Variants in BTBD16 observed in about 807,000 individuals in gnomAD.
BTBD16 encodes BTB domain containing 16, also known as BTB/POZ domain-containing protein 16.
A neutral mutation model predicts 67.4 loss-of-function variants in BTBD16; 66 were observed. That is an observed-to-expected ratio of 0.98 (90% confidence interval 0.80 to 1.20). The LOEUF (loss-of-function observed/expected upper bound fraction) is 1.20, where lower values mean the gene tolerates loss of function less well. Among genes scored for constraint, BTBD16 ranks in the 50% most tolerant of loss-of-function variants. The pLI is 0.00. For missense variants in BTBD16, 634 were observed against 616.0 expected (o/e 1.03, Z -0.31); for synonymous variants, 242 against 236.4 (o/e 1.02, Z -0.22).
At chr10:122,291,286 T>G in intron 7 of BTBD16, 92 bp downstream of exon 7, 1 of 1,493,484 alleles carries the variant, frequency 6.7e-7, no homozygotes, top group South Asian at 1.3e-5. Flanking sequence ...TTCCTCTTCA[T>G]TGGGCTAAGA....
intron 8 of BTBD16, among the ~76,000 whole-genome samples, chr10:122,298,791 G>A (rs1213106091): frequency 3.3e-5 from 5 of 152,174 alleles, no homozygotes; most frequent in East Asian, 1.9e-4. Context: ...ATAGGTTTTC[G>A]CTGAGGATTG....
At chr10:122,302,087 C>T (rs965667924) in intron 9 of BTBD16, among the ~76,000 whole-genome samples, 3 of 152,166 alleles carry the variant, frequency 2.0e-5, no homozygotes, top group Non-Finnish European at 2.9e-5. Context: ...GGGCCAATTC[C>T]CTGTTTGTGG....
chr10:122,316,610 A>G (rs2096424992), intron 10 of BTBD16, among the ~76,000 whole-genome samples: 1 of 152,202 alleles, frequency 6.6e-6, no homozygotes, highest in Non-Finnish European at 1.5e-5. Context: ...CAGTTGTAAC[A>G]CAATGGTAAG....
At chr10:122,325,707 G>A (rs1215620557) in intron 10 of BTBD16, among the ~76,000 whole-genome samples, 3 of 151,076 alleles carry the variant, frequency 2.0e-5, no homozygotes, top group African/African-American at 7.3e-5. Context: ...ATGGAGTCTC[G>A]CTGTGTTGCC....
At chr10:122,295,645 G>A (rs180788631) in intron 7 of BTBD16, among the ~76,000 whole-genome samples, 29 of 152,238 alleles carry the variant, frequency 1.9e-4, no homozygotes, top group Admixed American at 1.2e-3. Flanking sequence ...AAGTGGGAGC[G>A]GGAGGAGGGG....
intron 10 of BTBD16, among the ~76,000 whole-genome samples, chr10:122,312,710 A>G (rs925583284): frequency 2.6e-5 from 4 of 152,226 alleles, no homozygotes; most frequent in East Asian, 1.9e-4. Context: ...ATTTCTTTAT[A>G]TATTTGTTAG....
intron 10 of BTBD16, among the ~76,000 whole-genome samples, chr10:122,312,884 T>A (rs1432242416): frequency 6.6e-6 from 1 of 152,050 alleles, no homozygotes. Flanking sequence ...AATGGTCTTT[T>A]GTTGTTGTTG....
intron 10 of BTBD16, among the ~76,000 whole-genome samples, chr10:122,307,631 A>T (rs959090808): frequency 1.4e-5 from 2 of 144,008 alleles, no homozygotes; most frequent in African/African-American, 2.6e-5. Context: ...AAACTTCATT[A>T]AAAAAAAAAA....
intron 6 of BTBD16, among the ~76,000 whole-genome samples, chr10:122,290,460 C>A (rs1590058611): frequency 6.6e-6 from 1 of 152,316 alleles, no homozygotes; most frequent in African/African-American, 2.4e-5. Context: ...GGGCAGACTT[C>A]TTTGCTTGTG....
At position 122,329,307 on chromosome 10, in the gene BTBD16, C is replaced by A. The variant is rs181090657; in HGVS notation, c.912-173C>A. ...TCTGGGGCTGGACTTTATAAAATGTCGTCTAAGCCACCATCTGCTTCCATG... is the reference window on the plus strand; with the variant it reads ...TCTGGGGCTGGACTTTATAAAATGTAGTCTAAGCCACCATCTGCTTCCATG... On this transcript the variant is annotated intron_variant, in intron 10 of 15. Coordinates refer to ENST00000260723, the MANE Select transcript of BTBD16 (RefSeq NM_144587.5). Among the ~76,000 whole-genome samples the A allele has an allele frequency of 2.3e-3, 346 of 152,230 alleles. 1 individual carries two copies. Among genetic ancestry groups the A allele is most frequent in the African/African-American group, 7.9e-3 (327 of 41,538 alleles).
chr10:122,328,465 A>G (rs1446658233), intron 10 of BTBD16, among the ~76,000 whole-genome samples: 2 of 152,152 alleles, frequency 1.3e-5, no homozygotes, highest in African/African-American at 4.8e-5. Context: ...ACTGGCGTGG[A>G]GCAGTTGGGC....
intron 9 of BTBD16, among the ~76,000 whole-genome samples, chr10:122,301,587 G>A (rs999026075): frequency 6.6e-6 from 1 of 152,182 alleles, no homozygotes; most frequent in Non-Finnish European, 1.5e-5. Flanking sequence ...CTTTGTTAAA[G>A]CTTGAGGGAG....
chr10:122,329,653 C>T (rs1326835480), intron 11 of BTBD16, 82 bp downstream of exon 11: 2 of 1,181,650 alleles, frequency 1.7e-6, no homozygotes, highest in Non-Finnish European at 2.5e-6. Flanking sequence ...GGGGGAGCCC[C>T]ACCTGATGTT....
chr10:122,307,132 G>A, intron 9 of BTBD16, 57 bp from the exon 10 acceptor site: 1 of 1,541,626 alleles, frequency 6.5e-7, no homozygotes. Context: ...CTTCTTACAA[G>A]CAGCGTGATT....
At chr10:122,290,569 C>T (rs1012637411) in intron 6 of BTBD16, among the ~76,000 whole-genome samples, 1 of 152,180 alleles carries the variant, frequency 6.6e-6, no homozygotes, top group Middle Eastern at 3.2e-3. Flanking sequence ...GACACTCTGA[C>T]GGTGAATCAG....
At chr10:122,301,970 T>G (rs1015606193) in intron 9 of BTBD16, among the ~76,000 whole-genome samples, 1 of 152,048 alleles carries the variant, frequency 6.6e-6, no homozygotes, top group Non-Finnish European at 1.5e-5. Flanking sequence ...GAGAACCGAG[T>G]GGTCCCAAGG....
chr10:122,298,735 G>A (rs571429396), intron 8 of BTBD16, among the ~76,000 whole-genome samples: 2 of 152,116 alleles, frequency 1.3e-5, no homozygotes, highest in African/African-American at 2.4e-5. Flanking sequence ...ACCTGGGAGC[G>A]TCAGTTTCCC....
intron 13 of BTBD16, among the ~76,000 whole-genome samples, chr10:122,333,334 G>A (rs1015611153): frequency 6.6e-6 from 1 of 152,052 alleles, no homozygotes; most frequent in Non-Finnish European, 1.5e-5. Context: ...AACATGCTTT[G>A]TTTCAAAGGT....
rs747034238 is a variant in BTBD16, at chr10:122,331,257, C to T, written c.1085C>T (p.Ala362Val). 6.2e-7 allele frequency: 1 copy of T among 1,613,172 alleles called. No homozygotes were observed. The highest frequency in any genetic ancestry group is 8.5e-7 in the Non-Finnish European group (1 of 1,179,756). ...LDQVTVNHYH[A>V]LENGGDMVHL... is the part of the protein sequence containing the mutation. ...CAGGTTACAGTCAACCATTACCACG[C>T]AGTGAGTTGCCTGCTCTGCAAGGAC... Residue 362 changes from alanine (A) to valine (V), a missense_variant and splice_region_variant, in exon 12 of 16, where the codon GCA (alanine) becomes GTA (valine). Physicochemically the swap from Ala to Val is moderately conservative, Grantham distance 64 (BLOSUM62 0). Coordinates refer to ENST00000260723, the MANE Select transcript of BTBD16 (RefSeq NM_144587.5).
Sources: allele counts gnomAD v4.1 joint callset (sites outside exome capture counted in the v4.1 genomes callset), GRCh38; gene constraint gnomAD v4.1.1; transcripts MANE v1.5; gene names NCBI Gene and HGNC (gene_info 2026-07-23, HGNC 2026-07-21).